ASTN2: variants seen among roughly 807,000 people sequenced by gnomAD.
The protein encoded by ASTN2 is astrotactin-2.
Under a neutral mutation model 139.8 loss-of-function variants are expected in ASTN2, and 54 were observed. The ratio of observed to expected loss-of-function variants is 0.39; its 90% CI spans 0.31 to 0.48. ASTN2 has a LOEUF of 0.48. ASTN2 is among the 20% of genes least tolerant of loss of function. The pLI, the probability that ASTN2 is intolerant of heterozygous loss-of-function variation, is 0.95. For missense variants in ASTN2, 1,565 were observed against 1,725.1 expected (o/e 0.91, Z 1.64); for synonymous variants, 756 against 719.5 (o/e 1.05, Z -0.81).
At chr9:116,569,850 C>T (rs571879427) in intron 19 of ASTN2, among the ~76,000 whole-genome samples, 4 of 152,176 alleles carry the variant, frequency 2.6e-5, no homozygotes, top group East Asian at 1.9e-4. Context: ...GCATGCAAGG[C>T]CTTGGGGAAA....
chr9:117,316,958 A>C (rs1317949987), intron 1 of ASTN2, among the ~76,000 whole-genome samples: 1 of 152,020 alleles, frequency 6.6e-6, no homozygotes, highest in Non-Finnish European at 1.5e-5. Flanking sequence ...CAGGTATATA[A>C]ATGGAGAGCC....
rs532911519 is a variant in ASTN2, at chr9:116,881,085, G to T, written c.1890-17352C>A. Among the ~76,000 whole-genome samples the T allele has an allele frequency of 1.6e-4, 25 of 152,258 alleles. 1 individual carries two copies. The South Asian group carries it at 3.3e-3, about 20-fold the overall frequency. On this transcript the variant is annotated intron_variant, in intron 10 of 22. Coordinates refer to ENST00000313400, the MANE Select transcript of ASTN2 (RefSeq NM_001365068.1). ...AGAAAAGGAAGAAAATAGAAAGACA[G>T]GATGGCTGCTAGACGACAGCACAAA...
At chr9:116,771,214 T>C (rs1212950834) in intron 13 of ASTN2, among the ~76,000 whole-genome samples, 1 of 152,164 alleles carries the variant, frequency 6.6e-6, no homozygotes, top group East Asian at 1.9e-4. Context: ...ACAGGACTTG[T>C]AGGGCACAGT....
At chr9:117,328,622 C>T (rs142563233) in intron 1 of ASTN2, among the ~76,000 whole-genome samples, 1 of 152,120 alleles carries the variant, frequency 6.6e-6, no homozygotes, top group African/African-American at 2.4e-5. Flanking sequence ...CACTCCTATG[C>T]CTGAGAGGGA....
At chr9:116,703,241 A>AT (rs1309636784) in intron 16 of ASTN2, among the ~76,000 whole-genome samples, 4 of 151,218 alleles carry the variant, frequency 2.6e-5, no homozygotes, top group Admixed American at 6.6e-5. Context: ...GATGATGAGC[A>AT]TTTTTTCATG....
chr9:117,373,863 G>A (rs1830051447), intron 1 of ASTN2, among the ~76,000 whole-genome samples: 2 of 152,198 alleles, frequency 1.3e-5, no homozygotes, highest in Admixed American at 1.3e-4. Context: ...CAAATTAGCA[G>A]GTTGGACAGC....
At chr9:117,219,388 G>C (rs1031510303) in intron 2 of ASTN2, among the ~76,000 whole-genome samples, 6 of 152,142 alleles carry the variant, frequency 3.9e-5, no homozygotes, top group African/African-American at 1.4e-4. Context: ...AATGCTGCAC[G>C]GCAAAAGGGG....
chr9:116,567,357 C>G (rs73655409), intron 19 of ASTN2, among the ~76,000 whole-genome samples: 2 of 152,096 alleles, frequency 1.3e-5, no homozygotes, highest in African/African-American at 4.8e-5. Flanking sequence ...CTGGGTGGCA[C>G]CCTTGACAGC....
chr9:117,089,106 C>T (rs1828639049), intron 5 of ASTN2, among the ~76,000 whole-genome samples: 1 of 152,220 alleles, frequency 6.6e-6, no homozygotes, highest in African/African-American at 2.4e-5. Flanking sequence ...TGCCCAGCAG[C>T]ATGGTTATTA....
intron 2 of ASTN2, among the ~76,000 whole-genome samples, chr9:117,286,098 G>A (rs1442272060): frequency 1.3e-5 from 2 of 152,044 alleles, no homozygotes; most frequent in East Asian, 3.9e-4. Flanking sequence ...TTAAAAAGGG[G>A]GAGAGGAGGA....
rs1000689993 is a variant in ASTN2, at chr9:117,141,446, A to G, written c.1048T>C (p.Ser350Pro). The G allele has an allele frequency of 7.3e-7, 1 of 1,365,696 alleles. No individual in the cohort carries two copies. The highest frequency in any genetic ancestry group is 9.8e-7 in the Non-Finnish European group (1 of 1,021,292). 84.6% of individuals were successfully genotyped at this position (1,365,696 alleles called of 1,614,324 possible). Residue 350 changes from serine (S) to proline (P), a missense_variant, in exon 4 of 23, where the codon TCC (serine) becomes CCC (proline). Ser to Pro is a moderately conservative substitution (Grantham distance 74). Transcript: ENST00000313400. ...CTCTCCTTGAACTTCTGCATCAGGG[A>G]CTCCACTGTCTCCTGAGTCGCCTCA... ...AAEATQETVESLMQKFKESFR... is the reference protein window; with the variant it reads ...AAEATQETVEPLMQKFKESFR...
intron 12 of ASTN2, among the ~76,000 whole-genome samples, chr9:116,812,531 G>A (rs149380055): frequency 2.6e-4 from 40 of 152,278 alleles, no homozygotes; most frequent in Non-Finnish European, 4.6e-4. Context: ...ATGCAGCCCT[G>A]CCACTGTCTT....
chr9:116,652,808 T>C (rs760856850), intron 16 of ASTN2, among the ~76,000 whole-genome samples: 2 of 152,212 alleles, frequency 1.3e-5, no homozygotes, highest in Non-Finnish European at 2.9e-5. Flanking sequence ...TCTTTCTTCA[T>C]GTGCACACTG....
chr9:116,974,896 C>T (rs1836302024), intron 10 of ASTN2, among the ~76,000 whole-genome samples: 1 of 152,124 alleles, frequency 6.6e-6, no homozygotes, highest in African/African-American at 2.4e-5. Context: ...TAAATTTTTG[C>T]CTTTGTGACT....
chr9:116,909,215 G>A (rs577943640), intron 10 of ASTN2, among the ~76,000 whole-genome samples: 26 of 152,312 alleles, frequency 1.7e-4, no homozygotes, highest in African/African-American at 5.1e-4. Flanking sequence ...GGTCAGAGGC[G>A]TGTGTTAGAG....
At chr9:117,350,084 A>C (rs1309846577) in intron 1 of ASTN2, among the ~76,000 whole-genome samples, 2 of 152,204 alleles carry the variant, frequency 1.3e-5, no homozygotes, top group African/African-American at 4.8e-5. Context: ...TAAGATGGTA[A>C]CATTAGGGGA....
intron 11 of ASTN2, among the ~76,000 whole-genome samples, chr9:116,854,439 A>G (rs1278071478): frequency 6.6e-6 from 1 of 152,178 alleles, no homozygotes; most frequent in African/African-American, 2.4e-5. Flanking sequence ...CCAAAGTCAC[A>G]TGGCTAGTGA....
In ASTN2 at chr9:117,223,342, C is replaced by T. The variant is rs115812040; in HGVS notation, c.631-8600G>A. Among the ~76,000 whole-genome samples, 1,168 of 152,268 alleles carry T rather than the reference C, an allele frequency of 7.7e-3. 18 individuals are homozygous for T. Among genetic ancestry groups the T allele is most frequent in the African/African-American group, 0.026 (1,096 of 41,532 alleles). On this transcript the variant is annotated intron_variant, in intron 2 of 22. Transcript: ENST00000313400. Reference sequence around the variant, plus strand: ...GGGCAGAAGCCAGGGAATCTGTAAACATCTCGCATACACAGGACAGCCACA... The same window carrying T: ...GGGCAGAAGCCAGGGAATCTGTAAATATCTCGCATACACAGGACAGCCACA...
rs16934378 is a variant in ASTN2 at position 117,188,561 on chromosome 9, G to A, written c.1015+25797C>T. ...CACTGCTGTGTTGTTGCTGGATGCC[G>A]AGGAAACATCGTAGCTGGGAACTCT... On this transcript the variant is annotated intron_variant, in intron 3 of 22. Coordinates refer to ENST00000313400, the MANE Select transcript of ASTN2 (RefSeq NM_001365068.1). Among the ~76,000 whole-genome samples, 420 of 152,164 alleles carry A rather than the reference G, an allele frequency of 2.8e-3. 9 individuals carry two copies. The East Asian group carries it at 0.066, about 24-fold the overall frequency.
Sources: allele counts gnomAD v4.1 joint callset (sites outside exome capture counted in the v4.1 genomes callset), GRCh38; gene constraint gnomAD v4.1.1; transcripts MANE v1.5; gene names NCBI Gene and HGNC (gene_info 2026-07-23, HGNC 2026-07-21).